GABRA4: variants seen among roughly 807,000 people sequenced by gnomAD.
GABRA4 encodes the protein gamma-aminobutyric acid receptor subunit alpha-4.
A neutral mutation model predicts 49.7 loss-of-function variants in GABRA4; 12 were observed. The observed-to-expected ratio is 0.24, with a 90% CI of 0.15 to 0.39. The LOEUF (loss-of-function observed/expected upper bound fraction) is 0.39, where lower values mean the gene tolerates loss of function less well. Among genes scored for constraint, GABRA4 ranks in the 10% least tolerant of loss-of-function variants. The probability of loss-of-function intolerance (pLI) is 1.00; values close to 1 mark genes in which losing one functional copy is unlikely to be tolerated. For missense variants in GABRA4, 506 were observed against 686.0 expected (o/e 0.74, Z 2.93); for synonymous variants, 288 against 240.2 (o/e 1.20, Z -1.84).
intron 8 of GABRA4, among the ~76,000 whole-genome samples, chr4:46,950,912 G>A (rs1722152658): frequency 6.6e-6 from 1 of 151,874 alleles, no homozygotes; most frequent in South Asian, 2.1e-4. Flanking sequence ...GAGCAGGCGA[G>A]TATTAGATTC....
At chr4:46,953,305 C>T (rs930485590) in intron 8 of GABRA4, among the ~76,000 whole-genome samples, 1 of 152,048 alleles carries the variant, frequency 6.6e-6, no homozygotes, top group Middle Eastern at 3.2e-3. Context: ...TGTAGTGTCC[C>T]TTGGTCCAAA....
At chr4:46,960,330 T>C (rs1186757487) in intron 8 of GABRA4, among the ~76,000 whole-genome samples, 3 of 151,646 alleles carry the variant, frequency 2.0e-5, no homozygotes, top group Non-Finnish European at 4.4e-5. Flanking sequence ...TCTCATAAAA[T>C]CAGTGGGAGA....
At chr4:46,991,335 C>A (rs1458301777) in intron 2 of GABRA4, among the ~76,000 whole-genome samples, 2 of 152,178 alleles carry the variant, frequency 1.3e-5, no homozygotes, top group Admixed American at 1.3e-4. Context: ...TTATATACAT[C>A]ACTTTCCCTT....
intron 7 of GABRA4, among the ~76,000 whole-genome samples, chr4:46,968,317 G>T (rs1722837077): frequency 6.6e-6 from 1 of 151,152 alleles, no homozygotes. Flanking sequence ...TAATTTGTCT[G>T]CTCAACTGAA....
chr4:46,952,925 T>C (rs547438947), intron 8 of GABRA4, among the ~76,000 whole-genome samples: 28 of 152,144 alleles, frequency 1.8e-4, no homozygotes, highest in Admixed American at 3.9e-4. Context: ...AGTTTTTTCA[T>C]ATATTGCTAT....
At chr4:46,991,165 G>A (rs572232722) in intron 2 of GABRA4, among the ~76,000 whole-genome samples, 1 of 151,656 alleles carries the variant, frequency 6.6e-6, no homozygotes, top group Admixed American at 6.6e-5. Context: ...CAGCCTGAGT[G>A]ACAGAGCGAG....
intron 8 of GABRA4, among the ~76,000 whole-genome samples, chr4:46,947,610 A>G (rs1157055756): frequency 6.6e-6 from 1 of 151,966 alleles, no homozygotes; most frequent in Admixed American, 6.6e-5. Flanking sequence ...GGAAGGAAAG[A>G]AGAGAAACAT....
In GABRA4 at chr4:46,922,109, AGAGTT is replaced by A. The variant is rs1405847744; in HGVS notation, c.*6111_*6115del. 6.6e-6 allele frequency: 1 copy of A among 152,152 alleles called. No homozygotes were observed. Among genetic ancestry groups the A allele is most frequent in the Non-Finnish European group, 1.5e-5 (1 of 68,020 alleles). The allele number at this position is 152,152 out of a possible 1,614,324, so 9.4% of individuals were successfully genotyped here. ...TAAAAATTCTGATAGACTATATTTG[AGAGTT>A]GTGAACAAGCTTGCTGAATAATATA... On this transcript the variant is annotated 3_prime_UTR_variant, in exon 9 of 9. Transcript: ENST00000264318.
intron 8 of GABRA4, among the ~76,000 whole-genome samples, chr4:46,934,933 C>T (rs1289873448): frequency 6.6e-6 from 1 of 152,156 alleles, no homozygotes; most frequent in East Asian, 1.9e-4. Flanking sequence ...TTCATCAATG[C>T]CGCCAACATA....
At chr4:46,933,055 A>G (rs1414779727) in intron 8 of GABRA4, among the ~76,000 whole-genome samples, 1 of 152,194 alleles carries the variant, frequency 6.6e-6, no homozygotes, top group Non-Finnish European at 1.5e-5. Flanking sequence ...AGGTGGTTAG[A>G]AAAAAGAACA....
In GABRA4 at chr4:46,960,444, A is replaced by G. The variant is rs78420659; in HGVS notation, c.1134+4526T>C. ...AGTAAAATTGTTTTAATAATCAAAA[A>G]TTAACTTTTTTCAATTTGGCTTCAA... is the stretch of plus-strand genomic sequence containing the variant. On this transcript the variant is annotated intron_variant, in intron 8 of 8. Coordinates refer to ENST00000264318, the MANE Select transcript of GABRA4 (RefSeq NM_000809.4). Among the ~76,000 whole-genome samples, 1,390 of 151,864 alleles carry G rather than the reference A, an allele frequency of 9.2e-3. 18 individuals are homozygous for G. Among genetic ancestry groups the G allele is most frequent in the African/African-American group, 0.032 (1,314 of 41,508 alleles).
chr4:46,989,164 C>A (rs1364618664), intron 2 of GABRA4, among the ~76,000 whole-genome samples: 2 of 152,144 alleles, frequency 1.3e-5, no homozygotes, highest in Non-Finnish European at 2.9e-5. Context: ...GATTGAGATG[C>A]GTGAAAGGCT....
Position 46,977,823 on chromosome 4 carries a change from C to T in GABRA4, c.274-193G>A, listed in dbSNP as rs181316694. Reference sequence around the variant, plus strand: ...AGCAATTAGAATAACTTTTATCCATCTTGATACCTTCATCTTCTACATTCA... The same window carrying T: ...AGCAATTAGAATAACTTTTATCCATTTTGATACCTTCATCTTCTACATTCA... On this transcript the variant is annotated intron_variant, in intron 3 of 8. Coordinates refer to ENST00000264318, the MANE Select transcript of GABRA4 (RefSeq NM_000809.4). Among the ~76,000 whole-genome samples, 136 of 152,138 alleles carry T rather than the reference C, an allele frequency of 8.9e-4. No individual in the cohort carries two copies. The East Asian group carries it at 0.023, about 26-fold the overall frequency.
At chr4:46,961,149 A>G (rs1722559198) in intron 8 of GABRA4, among the ~76,000 whole-genome samples, 1 of 151,904 alleles carries the variant, frequency 6.6e-6, no homozygotes, top group Non-Finnish European at 1.5e-5. Flanking sequence ...TTAAAGGAAA[A>G]TATAAACTAT....
chr4:46,987,801 T>C (rs1284916368), intron 2 of GABRA4, among the ~76,000 whole-genome samples: 3 of 152,132 alleles, frequency 2.0e-5, no homozygotes, highest in African/African-American at 7.2e-5. Flanking sequence ...CTTTTCTAAG[T>C]CTTCCTTTAT....
intron 8 of GABRA4, among the ~76,000 whole-genome samples, chr4:46,947,139 A>G (rs1160158622): frequency 6.6e-6 from 1 of 151,784 alleles, no homozygotes; most frequent in East Asian, 1.9e-4. Context: ...TGTCATTCCT[A>G]CAAATAACAT....
Position 46,922,638 on chromosome 4 carries a change from T to C in GABRA4, c.*5587A>G, listed in dbSNP as rs1577734416. On this transcript the variant is annotated 3_prime_UTR_variant, in exon 9 of 9. Transcript: ENST00000264318. ...CAAAGAAGATATTTCAATAAAGCAA[T>C]GGTAAAAATAGAGAAAGAGAAGAAA... is the stretch of plus-strand genomic sequence containing the variant. The C allele has an allele frequency of 2.0e-5, 3 of 151,852 alleles. 1 individual carries two copies. The highest frequency in any genetic ancestry group is 7.3e-5 in the African/African-American group (3 of 41,378). The allele number at this position is 151,852 out of a possible 1,614,324, so 9.4% of individuals were successfully genotyped here. A position where few individuals can be genotyped will look rare whatever the true frequency, so the allele number is the denominator to read the frequency against.
chr4:46,993,276 G>C (rs919557281), intron 1 of GABRA4, 63 bp downstream of exon 1: 1 of 1,411,420 alleles, frequency 7.1e-7, no homozygotes, highest in African/African-American at 1.4e-5. Flanking sequence ...GGCCAAAGGG[G>C]TCCCGGAGCT....
Position 46,928,530 on chromosome 4 carries a change from C to G in GABRA4, c.1360G>C (p.Ala454Pro), listed in dbSNP as rs955650621. Residue 454 changes from alanine (A) to proline (P), a missense_variant, in exon 9 of 9, where the codon GCT becomes CCT. This residue lies in a region of GABRA4 where 243 missense variants were observed against 210.8 expected (regional missense o/e 1.15). Transcript: ENST00000264318. ...TISAARALPS[A>P]SPTSIRTGYM... ...CCAGTTCGGATAGAAGTAGGAGAAG[C>G]AGATGGAAGTGCTCTTGCTGCAGAT... The G allele has an allele frequency of 6.2e-6, 10 of 1,613,624 alleles. 2 individuals are homozygous for G. The highest frequency in any genetic ancestry group is 3.3e-5 in the Admixed American group (2 of 59,914).
Sources: allele counts gnomAD v4.1 joint callset (sites outside exome capture counted in the v4.1 genomes callset), GRCh38; gene constraint gnomAD v4.1.1; regional missense constraint gnomAD v4.1.1; transcripts MANE v1.5; gene names NCBI Gene and HGNC (gene_info 2026-07-23, HGNC 2026-07-21).